The following LHFPL6 variants were observed in gnomAD, a reference collection of about 807,000 sequenced individuals.
The protein encoded by LHFPL6 is LHFPL tetraspan subfamily member 6 protein.
In LHFPL6, 9 loss-of-function variants were observed where a neutral mutation model predicts 20.6. That is an observed-to-expected ratio of 0.44 (90% CI 0.26 to 0.76). LHFPL6 has a LOEUF of 0.76. Ranked by LOEUF, LHFPL6 falls within the 30% of genes least tolerant of loss-of-function variation. The pLI, the probability that LHFPL6 is intolerant of heterozygous loss-of-function variation, is 0.20. For missense variants in LHFPL6, 218 were observed against 253.5 expected (o/e 0.86, Z 0.95); for synonymous variants, 105 against 98.7 (o/e 1.06, Z -0.38).
rs56778436 is a variant in LHFPL6, at chr13:39,365,300, G to A, written c.484+13128C>T. Among the ~76,000 whole-genome samples, 893 of 152,112 alleles carry A rather than the reference G, an allele frequency of 5.9e-3. 10 individuals are homozygous for A. Among genetic ancestry groups the A allele is most frequent in the African/African-American group, 0.021 (855 of 41,508 alleles). On this transcript the variant is annotated intron_variant, in intron 3 of 3. Coordinates refer to ENST00000379589, the MANE Select transcript of LHFPL6 (RefSeq NM_005780.3). ...TTAATCTGCCCTCCCTGTCTGTACC[G>A]GTCATACTACCACTGGCCACCAAGC...
intron 2 of LHFPL6, among the ~76,000 whole-genome samples, chr13:39,394,049 C>T (rs75679850): frequency 0.018 from 2,703 of 152,236 alleles, 83 homozygotes; most frequent in African/African-American, 0.062. Context: ...TAAAGCAATC[C>T]TCTGGCCTCG....
At chr13:39,395,120 C>T (rs1870810550) in intron 2 of LHFPL6, among the ~76,000 whole-genome samples, 2 of 152,134 alleles carry the variant, frequency 1.3e-5, no homozygotes, top group South Asian at 4.1e-4. Flanking sequence ...TCATCAGCTG[C>T]AAATTCCTAG....
Position 39,603,143 on chromosome 13 carries a change from TGGGCGCGCGC to T in LHFPL6, c.-445_-436del, listed in dbSNP as rs1337877727. ...CGGCGGCAGCTCTGGCGGAGCGCTG[TGGGCGCGCGC>T]GGGCGCCGGGGATCGCACGCAGAGG... On this transcript the variant is annotated 5_prime_UTR_variant, in exon 1 of 4. Coordinates refer to ENST00000379589, the MANE Select transcript of LHFPL6 (RefSeq NM_005780.3). 5 of 152,280 alleles carry T rather than the reference TGGGCGCGCGC, an allele frequency of 3.3e-5. No homozygotes were observed. The highest frequency in any genetic ancestry group is 6.5e-5 in the Admixed American group (1 of 15,280). 9.4% of individuals were successfully genotyped at this position (152,280 alleles called of 1,614,324 possible).
intron 3 of LHFPL6, among the ~76,000 whole-genome samples, chr13:39,373,733 G>T (rs1157006355): frequency 6.6e-6 from 1 of 152,124 alleles, no homozygotes; most frequent in African/African-American, 2.4e-5. Flanking sequence ...GCTTGCTTTT[G>T]TAAATAAAGT....
At chr13:39,399,756 A>G (rs1870940242) in intron 2 of LHFPL6, among the ~76,000 whole-genome samples, 1 of 152,328 alleles carries the variant, frequency 6.6e-6, no homozygotes, top group African/African-American at 2.4e-5. Context: ...GATGAAGGGG[A>G]TCCAAGATCA....
chr13:39,369,601 C>CCCTCCCTCCCTCCTTCCTTCCTT (rs1566095675), intron 3 of LHFPL6, among the ~76,000 whole-genome samples: 7 of 25,268 alleles, frequency 2.8e-4, no homozygotes, highest in Admixed American at 4.0e-4. Flanking sequence ...CTTCCTTCCT[C>CCCTCCCTCCCTCCTTCCTTCCTT]CCTCTCTCCC....
Position 39,512,790 on chromosome 13 carries a change from T to C in LHFPL6, c.385+88042A>G, listed in dbSNP as rs143319995. Among the ~76,000 whole-genome samples, 4 of 152,340 alleles carry C rather than the reference T, an allele frequency of 2.6e-5. No homozygotes were observed. In the East Asian group the frequency reaches 7.7e-4, roughly 29 times the overall value. On this transcript the variant is annotated intron_variant, in intron 2 of 3. Coordinates refer to ENST00000379589, the MANE Select transcript of LHFPL6 (RefSeq NM_005780.3). ...TAGGACAGCTTGACCAGGCCTGGCA[T>C]GCTTGGAATCTGGGAGAAGACAAGA...
At chr13:39,570,927 T>C (rs1871893271) in intron 2 of LHFPL6, among the ~76,000 whole-genome samples, 1 of 152,234 alleles carries the variant, frequency 6.6e-6, no homozygotes, top group Non-Finnish European at 1.5e-5. Flanking sequence ...ATGGATAACA[T>C]TCTTTATCTC....
chr13:39,399,678 G>A (rs1028918936), intron 2 of LHFPL6, among the ~76,000 whole-genome samples: 1 of 152,220 alleles, frequency 6.6e-6, no homozygotes, highest in African/African-American at 2.4e-5. Context: ...AAGCCAAAAT[G>A]TTATGACTAA....
intron 2 of LHFPL6, among the ~76,000 whole-genome samples, chr13:39,475,492 A>C (rs1873062739): frequency 6.6e-6 from 1 of 151,856 alleles, no homozygotes; most frequent in African/African-American, 2.4e-5. Flanking sequence ...TGTTGTTTTT[A>C]ATGCAGGCAC....
At chr13:39,356,233 A>G (rs564707909) in intron 3 of LHFPL6, among the ~76,000 whole-genome samples, 1 of 152,358 alleles carries the variant, frequency 6.6e-6, no homozygotes, top group African/African-American at 2.4e-5. Context: ...TCTCAAAACC[A>G]CATAATTACA....
At position 39,461,075 on chromosome 13, in the gene LHFPL6, A is replaced by G. The variant is rs1185348342; in HGVS notation, c.386-82549T>C. ...AATGTTTAGCTCTCATTTAGAGGGG[A>G]GAACATGCAGTATTTGGTTTTTCTG... On this transcript the variant is annotated intron_variant, in intron 2 of 3. Coordinates refer to ENST00000379589, the MANE Select transcript of LHFPL6 (RefSeq NM_005780.3). Among the ~76,000 whole-genome samples, 11 of 152,064 alleles carry G rather than the reference A, an allele frequency of 7.2e-5. No homozygotes were observed. The East Asian group carries it at 2.1e-3, about 29-fold the overall frequency.
At chr13:39,423,261 T>A (rs997957729) in intron 2 of LHFPL6, among the ~76,000 whole-genome samples, 1 of 152,230 alleles carries the variant, frequency 6.6e-6, no homozygotes. Context: ...CACTTCTATG[T>A]GCCAAATGGC....
intron 2 of LHFPL6, among the ~76,000 whole-genome samples, chr13:39,549,929 A>G (rs1038002790): frequency 6.6e-6 from 1 of 152,106 alleles, no homozygotes; most frequent in Non-Finnish European, 1.5e-5. Context: ...ATAAGGCTAC[A>G]TTAGACACAG....
intron 2 of LHFPL6, among the ~76,000 whole-genome samples, chr13:39,585,049 G>A (rs1246501205): frequency 2.2e-4 from 33 of 152,198 alleles, no homozygotes; most frequent in Admixed American, 2.1e-3. Context: ...TGCTTTATGT[G>A]TGTGCCCAAT....
intron 2 of LHFPL6, among the ~76,000 whole-genome samples, chr13:39,586,736 A>G (rs1872460228): frequency 6.6e-6 from 1 of 152,178 alleles, no homozygotes; most frequent in African/African-American, 2.4e-5. Context: ...TTGCTATAAC[A>G]GGCCTGTAAC....
intron 2 of LHFPL6, among the ~76,000 whole-genome samples, chr13:39,563,183 C>A (rs1871601013): frequency 6.7e-6 from 1 of 149,614 alleles, no homozygotes; most frequent in Non-Finnish European, 1.5e-5. Context: ...TTAAAAATGT[C>A]TTTTTAAAAA....
intron 2 of LHFPL6, among the ~76,000 whole-genome samples, chr13:39,479,034 T>TAGATAGATAG (rs1555264216): frequency 2.1e-5 from 3 of 143,988 alleles, no homozygotes; most frequent in Admixed American, 7.0e-5. Context: ...GGGAGATAGA[T>TAGATAGATAG]ATAGATAGAT....
intron 2 of LHFPL6, among the ~76,000 whole-genome samples, chr13:39,472,605 TTTAA>T (rs989587486): frequency 1.3e-5 from 2 of 152,020 alleles, no homozygotes; most frequent in South Asian, 2.1e-4. Flanking sequence ...ATTTTATCAT[TTTAA>T]TTAATTTTTT....
Sources: allele counts gnomAD v4.1 joint callset (sites outside exome capture counted in the v4.1 genomes callset), GRCh38; gene constraint gnomAD v4.1.1; transcripts MANE v1.5; gene names NCBI Gene and HGNC (gene_info 2026-07-23, HGNC 2026-07-21).